The following STPG2 variants were observed in gnomAD, a reference collection of about 807,000 sequenced individuals.
STPG2 encodes sperm tail PG-rich repeat containing 2.
A neutral mutation model predicts 54.2 loss-of-function variants in STPG2; 56 were observed. The observed-to-expected ratio is 1.03, with a 90% CI of 0.83 to 1.29. The LOEUF (loss-of-function observed/expected upper bound fraction) is 1.29. Among genes scored for constraint, STPG2 ranks in the 50% most tolerant of loss-of-function variants. STPG2 has a pLI of 0.00. For missense variants in STPG2, 596 were observed against 544.9 expected, an observed-to-expected ratio of 1.09 and a Z score of -0.93; for synonymous variants, 200 against 181.8, an observed-to-expected ratio of 1.10 and a Z score of -0.81.
intron 5 of STPG2, among the ~76,000 whole-genome samples, chr4:97,996,468 A>G (rs145870230): frequency 3.9e-4 from 59 of 152,346 alleles, no homozygotes; most frequent in East Asian, 3.5e-3. Context: ...AAGATGGATT[A>G]AAGACTTAAC....
chr4:97,598,577 A>G (rs1335984334), intron 10 of STPG2, among the ~76,000 whole-genome samples: 6 of 151,898 alleles, frequency 4.0e-5, no homozygotes, highest in African/African-American at 1.5e-4. Context: ...AAACAGACAT[A>G]TAGAACAATG....
At chr4:97,863,240 T>C (rs1349514040) in intron 8 of STPG2, among the ~76,000 whole-genome samples, 1 of 151,744 alleles carries the variant, frequency 6.6e-6, no homozygotes, top group African/African-American at 2.4e-5. Flanking sequence ...ATCAAACACA[T>C]GTAATAAAAC....
chr4:97,739,368 C>A (rs1415729754), intron 9 of STPG2, among the ~76,000 whole-genome samples: 2 of 152,000 alleles, frequency 1.3e-5, no homozygotes, highest in Admixed American at 6.6e-5. Context: ...AAAATCAGAG[C>A]AGAACTGAAG....
intron 4 of STPG2, among the ~76,000 whole-genome samples, chr4:97,496,102 G>T (rs551522070): frequency 1.3e-5 from 2 of 151,376 alleles, no homozygotes; most frequent in African/African-American, 4.8e-5. Context: ...TTTAATAAAG[G>T]CAAAATATTT....
intron 8 of STPG2, among the ~76,000 whole-genome samples, chr4:97,922,157 A>C (rs1041634784): frequency 5.9e-5 from 9 of 152,156 alleles, no homozygotes; most frequent in Admixed American, 5.2e-4. Flanking sequence ...TAAGATCTTA[A>C]ATGTTCTAAC....
At chr4:97,636,057 C>A (rs954861978) in intron 10 of STPG2, among the ~76,000 whole-genome samples, 1 of 152,042 alleles carries the variant, frequency 6.6e-6, no homozygotes, top group Non-Finnish European at 1.5e-5. Flanking sequence ...AGCACCACAT[C>A]ACACCTATTC....
intron 4 of STPG2, among the ~76,000 whole-genome samples, chr4:97,534,424 T>C (rs1349162155): frequency 6.6e-6 from 1 of 152,142 alleles, no homozygotes; most frequent in Non-Finnish European, 1.5e-5. Flanking sequence ...TTTAAGTTTA[T>C]AATCCACTTC....
chr4:97,580,567 TCACA>T (rs970060668), intron 10 of STPG2, among the ~76,000 whole-genome samples: 1 of 150,548 alleles, frequency 6.6e-6, no homozygotes, highest in Non-Finnish European at 1.5e-5. Flanking sequence ...TCTCTCCCTC[TCACA>T]CACACACACA....
At chr4:97,901,961 T>C (rs746828855) in intron 8 of STPG2, among the ~76,000 whole-genome samples, 2 of 151,788 alleles carry the variant, frequency 1.3e-5, no homozygotes, top group Non-Finnish European at 2.9e-5. Context: ...AGCAGATACA[T>C]AGAAAAATAG....
At chr4:98,039,291 C>T (rs1356296480) in intron 5 of STPG2, among the ~76,000 whole-genome samples, 1 of 151,390 alleles carries the variant, frequency 6.6e-6, no homozygotes, top group African/African-American at 2.4e-5. Context: ...CTAATTAAAA[C>T]AATCCTACTT....
chr4:98,056,111 C>A (rs997084379), intron 5 of STPG2, among the ~76,000 whole-genome samples: 1 of 152,074 alleles, frequency 6.6e-6, no homozygotes, highest in East Asian at 1.9e-4. Context: ...CTGCTTTGCC[C>A]CCCCCCAAAT....
intron 9 of STPG2, among the ~76,000 whole-genome samples, chr4:97,808,737 C>A (rs1269966935): frequency 7.1e-5 from 10 of 141,812 alleles, no homozygotes; most frequent in Non-Finnish European, 1.2e-4. Context: ...CACAAGGATA[C>A]AGAAAGGTTG....
intron 8 of STPG2, among the ~76,000 whole-genome samples, chr4:97,911,429 T>C (rs1227922006): frequency 6.6e-6 from 1 of 152,216 alleles, no homozygotes; most frequent in African/African-American, 2.4e-5. Flanking sequence ...GGAGACTGCC[T>C]GCGACTACCA....
intron 5 of STPG2, among the ~76,000 whole-genome samples, chr4:98,088,672 GAAAAA>G (rs61146705): frequency 8.0e-6 from 1 of 125,394 alleles, no homozygotes; most frequent in Non-Finnish European, 1.7e-5. Flanking sequence ...TCCTTTAGGG[GAAAAA>G]AAAAAAAAAA....
At chr4:97,920,290 A>G (rs191473851) in intron 8 of STPG2, among the ~76,000 whole-genome samples, 40 of 152,220 alleles carry the variant, frequency 2.6e-4, no homozygotes, top group African/African-American at 8.2e-4. Flanking sequence ...CACACTCACA[A>G]AATTTTTGCC....
intron 8 of STPG2, among the ~76,000 whole-genome samples, chr4:97,881,416 A>G (rs1730369727): frequency 6.6e-6 from 1 of 152,058 alleles, no homozygotes; most frequent in African/African-American, 2.4e-5. Flanking sequence ...TCCCTTAAAT[A>G]CTCATTAATA....
At position 97,559,546 on chromosome 4, in the gene STPG2, T is replaced by C. The variant is rs112512967; in HGVS notation, c.1321-429A>G. On this transcript the variant is annotated intron_variant, in intron 10 of 10. Transcript: ENST00000295268. The stretch of plus-strand genomic sequence containing the variant: ...AACCTTTCTACAATTCTTTTTGTTC[T>C]TTATTTTTCCTCTGAAATTTGCAAA... 5.4e-3 allele frequency among the ~76,000 whole-genome samples: 825 copies of C among 152,328 alleles called. 6 individuals are homozygous for C. Among genetic ancestry groups the C allele is most frequent in the Middle Eastern group, 0.02 (6 of 294 alleles).
intron 4 of STPG2, among the ~76,000 whole-genome samples, chr4:97,513,153 T>C (rs116230624): frequency 0.017 from 2,629 of 152,146 alleles, 67 homozygotes; most frequent in African/African-American, 0.059. Context: ...CATTTAACCA[T>C]TTATTATAAA....
intron 10 of STPG2, among the ~76,000 whole-genome samples, chr4:97,706,124 G>A (rs58401722): frequency 0.087 from 13,279 of 151,822 alleles, 1,647 homozygotes; most frequent in African/African-American, 0.28. Flanking sequence ...CTTTTTATTC[G>A]TAAGTAGTGG....
Sources: allele counts gnomAD v4.1 joint callset (sites outside exome capture counted in the v4.1 genomes callset), GRCh38; gene constraint gnomAD v4.1.1; transcripts MANE v1.5; gene names NCBI Gene and HGNC (gene_info 2026-07-23, HGNC 2026-07-21).